Variants in SCN8A observed in about 807,000 individuals in gnomAD.
SCN8A encodes the protein sodium voltage-gated channel alpha subunit 8, also known as sodium channel protein type 8 subunit alpha.
In SCN8A, 30 loss-of-function variants were observed where a neutral mutation model predicts 184.1. The observed-to-expected ratio is 0.16, with a 90% CI of 0.12 to 0.22. SCN8A has a LOEUF of 0.22. Among genes scored for constraint, SCN8A ranks in the 10% least tolerant of loss-of-function variants. The pLI is 1.00. For missense variants in SCN8A, 1,057 were observed against 2,498.9 expected (o/e 0.42, Z 12.30); for synonymous variants, 852 against 907.0 (o/e 0.94, Z 1.09).
chr12:51,764,857 C>G (rs1440304852), intron 15 of SCN8A, among the ~76,000 whole-genome samples: 1 of 146,306 alleles, frequency 6.8e-6, no homozygotes, highest in Non-Finnish European at 1.5e-5. Flanking sequence ...TCACCTCAAC[C>G]TCCACCTCCC....
chr12:51,748,672 G>T (rs1211486354), intron 13 of SCN8A, among the ~76,000 whole-genome samples: 1 of 152,164 alleles, frequency 6.6e-6, no homozygotes, highest in Non-Finnish European at 1.5e-5. Context: ...TCCCCTAGAG[G>T]TAACTGGCCA....
At chr12:51,745,611 T>C (rs888865372) in intron 12 of SCN8A, among the ~76,000 whole-genome samples, 1 of 152,168 alleles carries the variant, frequency 6.6e-6, no homozygotes, top group African/African-American at 2.4e-5. Flanking sequence ...GAGGATCTGG[T>C]CTTTCTACTC....
chr12:51,603,895 T>C (rs1314309871), intron 1 of SCN8A, among the ~76,000 whole-genome samples: 1 of 152,164 alleles, frequency 6.6e-6, no homozygotes, highest in Non-Finnish European at 1.5e-5. Flanking sequence ...TTAAAAAAAA[T>C]TGGATTGTTT....
At chr12:51,700,076 G>T (rs1287199280) in intron 7 of SCN8A, among the ~76,000 whole-genome samples, 1 of 151,534 alleles carries the variant, frequency 6.6e-6, no homozygotes, top group Non-Finnish European at 1.5e-5. Context: ...TGAGGCAGGA[G>T]AATTGCTTGA....
chr12:51,635,559 G>T (rs1940297931), intron 1 of SCN8A, among the ~76,000 whole-genome samples: 1 of 152,094 alleles, frequency 6.6e-6, no homozygotes, highest in Non-Finnish European at 1.5e-5. Flanking sequence ...TTTAAACTAG[G>T]TTTTTTTCAC....
Position 51,801,399 on chromosome 12 carries a change from AG to A in SCN8A, c.4796-4880del, listed in dbSNP as rs1488700055. 2.6e-5 allele frequency among the ~76,000 whole-genome samples: 4 copies of A among 152,256 alleles called. No homozygotes were observed. The East Asian group carries it at 5.8e-4, about 22-fold the overall frequency. On this transcript the variant is annotated intron_variant, in intron 26 of 26. Transcript: ENST00000627620. ...CACAAATCTGTTTTGCAAGCTATTA[AG>A]GGTATGTCTTCTGGACCCTACCAGT...
chr12:51,791,061 G>GT (rs1938236224), intron 25 of SCN8A, among the ~76,000 whole-genome samples: 1 of 152,100 alleles, frequency 6.6e-6, no homozygotes, highest in African/African-American at 2.4e-5. Flanking sequence ...TGTTCCATTG[G>GT]TGATGGTTGT....
At chr12:51,746,167 A>G (rs758084552) in intron 13 of SCN8A, 132 bp downstream of exon 13, 47 of 799,406 alleles carry the variant, frequency 5.9e-5, no homozygotes, top group Non-Finnish European at 8.2e-5. Flanking sequence ...ACGTATTCCT[A>G]TATAGAAACT....
In SCN8A at chr12:51,765,763, A is replaced by G; in HGVS notation, c.2637A>G (p.Thr879=). Residue 879 remains threonine, a synonymous_variant, in exon 16 of 27, where the codon ACA becomes ACG. Transcript: ENST00000627620. ...GNSVGALGNL[T]LVLAIIVFIF... ...CAGTGGGTGCCCTGGGCAACCTGAC[A>G]CTGGTGCTGGCCATTATTGTCTTCA... The G allele has an allele frequency of 6.2e-7, 1 of 1,613,792 alleles. No individual in the cohort carries two copies. Among genetic ancestry groups the G allele is most frequent in the Non-Finnish European group, 8.5e-7 (1 of 1,179,874 alleles).
chr12:51,774,472 T>C (rs1056499739), intron 20 of SCN8A, 110 bp downstream of exon 20: 5 of 1,006,038 alleles, frequency 5.0e-6, no homozygotes, highest in Non-Finnish European at 7.3e-6. Flanking sequence ...TAGATCAAGA[T>C]GTAGATGTAG....
chr12:51,723,747 C>T (rs1942112593), intron 12 of SCN8A, among the ~76,000 whole-genome samples: 1 of 151,902 alleles, frequency 6.6e-6, no homozygotes, highest in African/African-American at 2.4e-5. Flanking sequence ...ATGTGGGAGG[C>T]TGAGGCAGGA....
At chr12:51,701,234 C>G (rs757671763) in intron 8 of SCN8A, 27 bp downstream of exon 8, 1 of 1,487,704 alleles carries the variant, frequency 6.7e-7, no homozygotes, top group East Asian at 2.3e-5. Flanking sequence ...GTTTTATTCT[C>G]TTTCCTTAAA....
At chr12:51,800,043 G>C (rs541729910) in intron 26 of SCN8A, among the ~76,000 whole-genome samples, 2 of 152,330 alleles carry the variant, frequency 1.3e-5, no homozygotes, top group Admixed American at 1.3e-4. Flanking sequence ...ATGATATCTT[G>C]TGGAAGGGAA....
intron 11 of SCN8A, among the ~76,000 whole-genome samples, chr12:51,709,079 T>G (rs757143927): frequency 1.3e-5 from 2 of 152,210 alleles, no homozygotes; most frequent in Non-Finnish European, 2.9e-5. Flanking sequence ...GGTAAATTTC[T>G]GAACTGAAGC....
rs553850703 is a variant in SCN8A at position 51,785,999 on chromosome 12, T to C, written c.3943-543T>C. On this transcript the variant is annotated intron_variant, in intron 21 of 26. Coordinates refer to ENST00000627620, the MANE Select transcript of SCN8A (RefSeq NM_001330260.2). ...AATATAGCTTTTTTTTTCTTGAGCC[T>C]GCAAAATATGCATGCTCAGCTATTG... Among the ~76,000 whole-genome samples, 6 of 152,324 alleles carry C rather than the reference T, an allele frequency of 3.9e-5. No individual in the cohort carries two copies. The East Asian group carries it at 1.2e-3, about 29-fold the overall frequency.
Position 51,807,495 on chromosome 12 carries a change from C to T in SCN8A, c.*66C>T. 6.8e-7 allele frequency: 1 copy of T among 1,479,268 alleles called. No homozygotes were observed. The highest frequency in any genetic ancestry group is 9.2e-7 in the Non-Finnish European group (1 of 1,082,130). The allele number at this position is 1,479,268 out of a possible 1,614,324, so 91.6% of individuals were successfully genotyped here. On this transcript the variant is annotated 3_prime_UTR_variant, in exon 27 of 27. Coordinates refer to ENST00000627620, the MANE Select transcript of SCN8A (RefSeq NM_001330260.2). The surrounding 1 kb of genome is among the most constrained non-coding windows in gnomAD (Gnocchi z 4.5). ...CAAGTGAAAGATTGTTTACAAACTT[C>T]CTGAATATTATCAATGCAGAACAGC... is the stretch of plus-strand genomic sequence containing the variant.
chr12:51,602,328 A>G (rs1939485046), intron 1 of SCN8A, among the ~76,000 whole-genome samples: 1 of 152,176 alleles, frequency 6.6e-6, no homozygotes, highest in South Asian at 2.1e-4. Flanking sequence ...AGCAAAGGTA[A>G]AAATTTGAGT....
chr12:51,718,966 GA>G (rs1555221104), intron 11 of SCN8A, among the ~76,000 whole-genome samples: 2 of 150,954 alleles, frequency 1.3e-5, no homozygotes, highest in Non-Finnish European at 3.0e-5. Flanking sequence ...AATAAAATTG[GA>G]AAAAGACTTA....
chr12:51,769,383 A>G, intron 17 of SCN8A, 48 bp downstream of exon 17: 1 of 1,383,860 alleles, frequency 7.2e-7, no homozygotes, highest in Non-Finnish European at 1.0e-6. Context: ...GAGAGCAAAC[A>G]GGGTGCTGTC....
Sources: allele counts gnomAD v4.1 joint callset (sites outside exome capture counted in the v4.1 genomes callset), GRCh38; gene constraint gnomAD v4.1.1; non-coding constraint Gnocchi (gnomAD v3.1); transcripts MANE v1.5; gene names NCBI Gene and HGNC (gene_info 2026-07-23, HGNC 2026-07-21).